ALDH9A1: variants seen among roughly 807,000 people sequenced by gnomAD.
ALDH9A1 encodes 4-trimethylaminobutyraldehyde dehydrogenase.
A neutral mutation model predicts 56.6 loss-of-function variants in ALDH9A1; 42 were observed. The observed-to-expected ratio is 0.74, with a 90% confidence interval of 0.58 to 0.96. ALDH9A1 has a LOEUF of 0.96. Ranked by LOEUF, ALDH9A1 falls within the 40% of genes least tolerant of loss-of-function variation. The pLI, the probability that ALDH9A1 is intolerant of heterozygous loss-of-function variation, is 0.00. For synonymous variants in ALDH9A1, 242 were observed against 236.0 expected, an observed-to-expected ratio of 1.03 and a Z score of -0.23; for missense variants, 661 against 651.5, an observed-to-expected ratio of 1.01 and a Z score of -0.16.
intron 2 of ALDH9A1, among the ~76,000 whole-genome samples, chr1:165,690,348 A>G (rs930891385): frequency 6.6e-6 from 1 of 152,012 alleles, no homozygotes; most frequent in African/African-American, 2.4e-5. Flanking sequence ...GCTATCCATG[A>G]TTCTTATTTT....
chr1:165,668,359 G>A (rs1019407864), intron 8 of ALDH9A1, among the ~76,000 whole-genome samples: 6 of 152,094 alleles, frequency 3.9e-5, no homozygotes, highest in Non-Finnish European at 7.4e-5. Flanking sequence ...TTCACACAGA[G>A]CTGGCTGTTT....
intron 4 of ALDH9A1, 124 bp downstream of exon 4, chr1:165,681,983 C>T (rs138078128): frequency 2.4e-5 from 32 of 1,334,970 alleles, no homozygotes; most frequent in Non-Finnish European, 3.3e-5. Flanking sequence ...CTTTGAATAT[C>T]CCAGAGCAGG....
chr1:165,689,438 G>A (rs1649812222), intron 2 of ALDH9A1, among the ~76,000 whole-genome samples: 1 of 152,122 alleles, frequency 6.6e-6, no homozygotes, highest in Non-Finnish European at 1.5e-5. Flanking sequence ...TCTCAACCCT[G>A]GAGATTTGCT....
intron 1 of ALDH9A1, among the ~76,000 whole-genome samples, chr1:165,696,320 A>AT: frequency 6.6e-6 from 1 of 152,294 alleles, no homozygotes; most frequent in East Asian, 1.9e-4. Flanking sequence ...GCCCTCTACT[A>AT]TTTTACAGTT....
chr1:165,689,849 G>A (rs1022913669), intron 2 of ALDH9A1, among the ~76,000 whole-genome samples: 2 of 151,606 alleles, frequency 1.3e-5, no homozygotes, highest in Non-Finnish European at 2.9e-5. Flanking sequence ...CAGGAGAATC[G>A]CTTGAACCCA....
intron 8 of ALDH9A1, chr1:165,668,565 T>C (rs936250224): frequency 1.2e-5 from 2 of 167,332 alleles, no homozygotes; most frequent in Non-Finnish European, 2.5e-5. Flanking sequence ...TATTCCTTCA[T>C]AGCAATGCAA....
In ALDH9A1 at chr1:165,682,687, C is replaced by T. The variant is rs573563782; in HGVS notation, c.457+294G>A. 8.0e-5 allele frequency: 28 copies of T among 351,948 alleles called. No individual in the cohort carries two copies. The South Asian group carries it at 1.5e-3, about 19-fold the overall frequency. The allele number at this position is 351,948 out of a possible 1,614,324, so 21.8% of individuals were successfully genotyped here. On this transcript the variant is annotated intron_variant, in intron 3 of 10. Coordinates refer to ENST00000354775, the MANE Select transcript of ALDH9A1 (RefSeq NM_000696.4). Reference sequence around the variant, plus strand: ...AAATAGATAAAACTGGTAAATATGACAAACCGATTCTTATGAAAACTGGTT... The same window carrying T: ...AAATAGATAAAACTGGTAAATATGATAAACCGATTCTTATGAAAACTGGTT...
chr1:165,666,471 C>T (rs544520711), intron 9 of ALDH9A1, among the ~76,000 whole-genome samples: 9 of 152,158 alleles, frequency 5.9e-5, no homozygotes, highest in South Asian at 2.1e-4. Context: ...CCTTTGTAAC[C>T]GGACTTTGTC....
chr1:165,670,470 T>C (rs1050614133), intron 6 of ALDH9A1, among the ~76,000 whole-genome samples: 3 of 151,786 alleles, frequency 2.0e-5, no homozygotes, highest in African/African-American at 7.3e-5. Flanking sequence ...GTAATTCCTC[T>C]AAAACCTAGG....
intron 1 of ALDH9A1, 90 bp from the exon 2 acceptor site, chr1:165,695,487 C>CGTTT (rs1650046217): frequency 3.1e-6 from 1 of 326,514 alleles, no homozygotes; most frequent in Non-Finnish European, 4.3e-6. Context: ...TAGTAGTAGT[C>CGTTT]TTTTTTTTTT....
chr1:165,686,804 G>A (rs186797700), intron 2 of ALDH9A1, among the ~76,000 whole-genome samples: 1 of 152,282 alleles, frequency 6.6e-6, no homozygotes, highest in East Asian at 1.9e-4. Context: ...GAGATCATAT[G>A]TCTAGTGATC....
intron 6 of ALDH9A1, among the ~76,000 whole-genome samples, chr1:165,675,261 C>A (rs114547077): frequency 0.018 from 2,766 of 151,494 alleles, 54 homozygotes; most frequent in South Asian, 0.049. Context: ...CTCTCTCTCT[C>A]TCTATATATA....
intron 6 of ALDH9A1, among the ~76,000 whole-genome samples, chr1:165,672,972 A>AC (rs1649227819): frequency 3.2e-5 from 4 of 124,226 alleles, no homozygotes; most frequent in Admixed American, 1.6e-4. Context: ...AAAAAATACA[A>AC]ACACACACAC....
At chr1:165,665,207 A>G (rs1648971205) in intron 9 of ALDH9A1, 77 bp from the exon 10 acceptor site, 3 of 1,071,566 alleles carry the variant, frequency 2.8e-6, no homozygotes, top group South Asian at 1.4e-5. Context: ...TTACACTGCC[A>G]GTTCTAGGGT....
At chr1:165,682,345 C>T in intron 3 of ALDH9A1, 104 bp from the exon 4 acceptor site, 1 of 1,261,398 alleles carries the variant, frequency 7.9e-7, no homozygotes, top group South Asian at 1.4e-5. Context: ...GCAGCCTCCC[C>T]ACTTCTCCCA....
intron 3 of ALDH9A1, among the ~76,000 whole-genome samples, chr1:165,682,487 A>G (rs1180430688): frequency 6.6e-6 from 1 of 152,126 alleles, no homozygotes; most frequent in Non-Finnish European, 1.5e-5. Context: ...TGATTTTACA[A>G]CTCTCTAAGA....
chr1:165,676,853 G>A (rs1649377972), intron 6 of ALDH9A1: 2 of 290,410 alleles, frequency 6.9e-6, no homozygotes, highest in Non-Finnish European at 1.3e-5. Context: ...GAGAAGTGTG[G>A]TGTCCTCTCC....
intron 2 of ALDH9A1, 128 bp downstream of exon 2, chr1:165,695,124 A>G: frequency 9.5e-7 from 1 of 1,047,522 alleles, no homozygotes; most frequent in Non-Finnish European, 1.3e-6. Flanking sequence ...TAAGGTGAGC[A>G]TGTGGAAATG....
chr1:165,689,187 G>A (rs950708814), intron 2 of ALDH9A1, among the ~76,000 whole-genome samples: 3 of 152,034 alleles, frequency 2.0e-5, no homozygotes, highest in East Asian at 1.9e-4. Context: ...TTTTAATAAC[G>A]GGGAAAATAC....
Sources: gnomAD v4.1 joint callset for allele counts (sites outside exome capture counted in the v4.1 genomes callset) on GRCh38, gnomAD v4.1.1 for gene constraint, MANE v1.5 for transcripts, NCBI Gene and HGNC (gene_info 2026-07-23, HGNC 2026-07-21) for gene names.